The following SOX5 variants were observed in gnomAD, a reference collection of about 807,000 sequenced individuals.
SOX5 encodes transcription factor SOX-5.
A neutral mutation model predicts 92.0 loss-of-function variants in SOX5; 9 were observed. That is an observed-to-expected ratio of 0.10 (90% confidence interval 0.06 to 0.17). The LOEUF is 0.17. Among genes scored for constraint, SOX5 ranks in the 10% least tolerant of loss-of-function variants. The probability of loss-of-function intolerance (pLI) is 1.00; values close to 1 mark genes in which losing one functional copy is unlikely to be tolerated. For synonymous variants in SOX5, 344 were observed against 336.3 expected, an observed-to-expected ratio of 1.02 and a Z score of -0.25; for missense variants, 642 against 944.5, an observed-to-expected ratio of 0.68 and a Z score of 4.20.
intron 4 of SOX5, among the ~76,000 whole-genome samples, chr12:24,102,358 ATG>A (rs1946190497): frequency 6.6e-6 from 1 of 152,210 alleles, no homozygotes; most frequent in South Asian, 2.1e-4. Flanking sequence ...TCCCTGGAAA[ATG>A]TCTCTGCCAC....
intron 6 of SOX5, among the ~76,000 whole-genome samples, chr12:23,708,537 G>A (rs1194149505): frequency 2.6e-5 from 4 of 152,108 alleles, no homozygotes; most frequent in Non-Finnish European, 5.9e-5. Context: ...TTGAGTCAAC[G>A]ATAAACATTA....
intron 1 of SOX5, among the ~76,000 whole-genome samples, chr12:24,525,653 C>T (rs913727418): frequency 6.6e-6 from 1 of 151,880 alleles, no homozygotes; most frequent in Non-Finnish European, 1.5e-5. Context: ...GAATGGATCA[C>T]GAGGTCAGGA....
At chr12:23,587,281 A>G (rs1443883175) in intron 9 of SOX5, among the ~76,000 whole-genome samples, 2 of 152,108 alleles carry the variant, frequency 1.3e-5, no homozygotes, top group Non-Finnish European at 2.9e-5. Flanking sequence ...TCGTACAGAA[A>G]GATTACGAGA....
intron 2 of SOX5, among the ~76,000 whole-genome samples, chr12:23,855,220 T>C (rs1353334057): frequency 2.6e-5 from 4 of 152,046 alleles, no homozygotes; most frequent in Non-Finnish European, 1.5e-5. Context: ...AAAGATTTTT[T>C]TAATAATTTA....
rs868615079 is a variant in SOX5 at position 24,457,313 on chromosome 12, C to G, written c.-250-88674G>C. Among the ~76,000 whole-genome samples the G allele has an allele frequency of 2.0e-5, 3 of 152,186 alleles. No individual in the cohort carries two copies. In the Middle Eastern group the frequency reaches 0.01, roughly 518 times the overall value. ...TTAACCTGAAAATTAATTTTTGTGA[C>G]TAAACTTCTAAAACCTGTTTTTTTT... On this transcript the variant is annotated intron_variant, in intron 1 of 4. Coordinates refer to the SOX5 transcript ENST00000446891.
intron 1 of SOX5, among the ~76,000 whole-genome samples, chr12:24,553,274 T>C (rs1451030266): frequency 6.6e-6 from 1 of 152,146 alleles, no homozygotes; most frequent in Non-Finnish European, 1.5e-5. Flanking sequence ...CTGAGGAAGA[T>C]GGGCAAGTCA....
At chr12:24,437,088 G>A (rs900891690) in intron 1 of SOX5, among the ~76,000 whole-genome samples, 1 of 152,166 alleles carries the variant, frequency 6.6e-6, no homozygotes, top group Non-Finnish European at 1.5e-5. Context: ...GGCTCTGATG[G>A]AGATGCCAAA....
rs112027496 is a variant in SOX5 at position 24,159,911 on chromosome 12, C to T, written c.-2+53432G>A. On this transcript the variant is annotated intron_variant, in intron 4 of 4. Transcript: ENST00000446891. ...CAGTGTTTTCAACAACAACAGATAA[C>T]GGGAAAAATATTTTTAACCAGGATG... Among the ~76,000 whole-genome samples, 10 of 152,008 alleles carry T rather than the reference C, an allele frequency of 6.6e-5. 1 individual carries two copies. Among genetic ancestry groups the T allele is most frequent in the East Asian group, 3.9e-4 (2 of 5,168 alleles).
chr12:24,264,097 C>A (rs1252983775), intron 3 of SOX5, among the ~76,000 whole-genome samples: 2 of 152,070 alleles, frequency 1.3e-5, no homozygotes, highest in African/African-American at 4.8e-5. Context: ...AATAACAATA[C>A]TCTTAAAACA....
chr12:23,740,265 T>C (rs1326024011), intron 5 of SOX5, among the ~76,000 whole-genome samples: 1 of 152,200 alleles, frequency 6.6e-6, no homozygotes, highest in East Asian at 1.9e-4. Context: ...TTTCTGGTGA[T>C]GGCATTCTCA....
At chr12:24,262,641 G>A (rs1942320154) in intron 3 of SOX5, among the ~76,000 whole-genome samples, 1 of 152,184 alleles carries the variant, frequency 6.6e-6, no homozygotes, top group Non-Finnish European at 1.5e-5. Flanking sequence ...TCAGAAGTGA[G>A]TTGTTAACCT....
chr12:23,775,887 G>A (rs536185062), intron 3 of SOX5, among the ~76,000 whole-genome samples: 4 of 152,156 alleles, frequency 2.6e-5, no homozygotes, highest in Middle Eastern at 3.4e-3. Context: ...CTAACGCCAC[G>A]GTCTCCAACC....
At chr12:24,058,939 C>T (rs1410422304) in intron 4 of SOX5, among the ~76,000 whole-genome samples, 2 of 152,102 alleles carry the variant, frequency 1.3e-5, no homozygotes, top group Non-Finnish European at 2.9e-5. Flanking sequence ...TCCATGATTC[C>T]TATGAAAAGA....
intron 3 of SOX5, among the ~76,000 whole-genome samples, chr12:23,777,544 A>C (rs1459064593): frequency 6.6e-6 from 1 of 152,202 alleles, no homozygotes; most frequent in African/African-American, 2.4e-5. Context: ...GTCTGCCTCT[A>C]TTCTCAAATT....
At chr12:24,347,518 A>G (rs917505074) in intron 2 of SOX5, among the ~76,000 whole-genome samples, 13 of 152,226 alleles carry the variant, frequency 8.5e-5, no homozygotes, top group African/African-American at 3.1e-4. Context: ...CTCATTAACT[A>G]TAATCACAAT....
intron 3 of SOX5, among the ~76,000 whole-genome samples, chr12:23,792,188 G>T (rs965168718): frequency 1.3e-5 from 2 of 152,058 alleles, no homozygotes; most frequent in African/African-American, 4.8e-5. Context: ...GGAAAGCTTA[G>T]AATGTTAAGT....
chr12:23,820,620 C>A (rs2096090394), intron 3 of SOX5, among the ~76,000 whole-genome samples: 2 of 152,140 alleles, frequency 1.3e-5, no homozygotes, highest in Non-Finnish European at 1.5e-5. Flanking sequence ...GGGAAGGGGT[C>A]CAATTTCAGT....
At chr12:24,255,090 A>T (rs1273199462) in intron 3 of SOX5, among the ~76,000 whole-genome samples, 1 of 152,158 alleles carries the variant, frequency 6.6e-6, no homozygotes, top group Non-Finnish European at 1.5e-5. Context: ...AAGGGTAGAT[A>T]ATAGCCTAAA....
chr12:23,864,652 G>T (rs967156830), intron 2 of SOX5, among the ~76,000 whole-genome samples: 1 of 152,158 alleles, frequency 6.6e-6, no homozygotes, highest in African/African-American at 2.4e-5. Context: ...TCCAGAACAA[G>T]GCCCTAACTC....
Sources: allele counts gnomAD v4.1 joint callset (sites outside exome capture counted in the v4.1 genomes callset), GRCh38; gene constraint gnomAD v4.1.1; transcripts MANE v1.5; gene names NCBI Gene and HGNC (gene_info 2026-07-23, HGNC 2026-07-21).